Variants in RAP2C observed in about 807,000 individuals in gnomAD.
The protein encoded by RAP2C is ras-related protein Rap-2c.
Under a neutral mutation model 8.9 loss-of-function variants are expected in RAP2C, and 3 were observed. The observed-to-expected ratio is 0.34, with a 90% confidence interval of 0.15 to 0.87. The LOEUF (loss-of-function observed/expected upper bound fraction) is 0.87, where lower values mean the gene tolerates loss of function less well. Among genes scored for constraint, RAP2C ranks in the 40% least tolerant of loss-of-function variants. RAP2C has a pLI of 0.51. For synonymous variants in RAP2C, 60 were observed against 52.1 expected, an observed-to-expected ratio of 1.15 and a Z score of -0.65; for missense variants, 76 against 133.7, an observed-to-expected ratio of 0.57 and a Z score of 2.13.
At chrX:132,209,132 C>T (rs1018703721) in intron 5 of RAP2C, among the ~76,000 whole-genome samples, 2 of 111,912 alleles carry the variant, frequency 1.8e-5, no homozygotes, top group African/African-American at 6.5e-5. Context: ...AGAGCAAAAG[C>T]GGAACCTATG....
chrX:132,208,164 G>C (rs757006720), intron 5 of RAP2C, among the ~76,000 whole-genome samples: 1 of 111,537 alleles, frequency 9.0e-6, no homozygotes, highest in African/African-American at 3.3e-5. Context: ...AAGAAAAAAA[G>C]GGGATTCTTG....
At chrX:132,209,281 A>G (rs2124135396) in intron 5 of RAP2C, among the ~76,000 whole-genome samples, 1 of 111,828 alleles carries the variant, frequency 8.9e-6, no homozygotes, top group African/African-American at 3.3e-5. Context: ...GAATGTTTAA[A>G]TTAATATGAT....
chrX:132,214,323 C>T lies in RAP2C; in HGVS notation c.397G>A (p.Ala133Thr). The change falls in exon 5 of 6, where the codon GCT (alanine) becomes ACT (threonine). Residue 133 changes from alanine (A) to threonine (T), a missense_variant. Coordinates refer to ENST00000370874, the MANE Select transcript of RAP2C (RefSeq NM_001271186.2). ...EREVMSSEGR[A>T]LAQEWGCPFM... ...GGACAGCCCCATTCTTGAGCCAGAG[C>T]TCTGCCTTCTGAAGACATAACCTCT... The T allele has an allele frequency of 8.3e-7, 1 of 1,212,010 alleles. No individual in the cohort carries two copies. Among genetic ancestry groups the T allele is most frequent in the Non-Finnish European group, 1.1e-6 (1 of 895,581 alleles).
chrX:132,203,530 A>C lies in RAP2C; in HGVS notation c.*2092T>G, dbSNP rs1431831476. The C allele has an allele frequency of 2.0e-5, 2 of 102,480 alleles. No homozygotes were observed. Among genetic ancestry groups the C allele is most frequent in the East Asian group, 6.0e-4 (2 of 3,358 alleles). 8.4% of individuals were successfully genotyped at this position (102,480 alleles called of 1,213,427 possible). On this transcript the variant is annotated 3_prime_UTR_variant, in exon 6 of 6. Coordinates refer to ENST00000370874, the MANE Select transcript of RAP2C (RefSeq NM_001271186.2). ...TTGAGAGAGAGAGAGAGAGAGAGAG[A>C]GAGAGAGAGAGAGAGAGAGAGAGAG...
At chrX:132,216,610 G>A (rs1323043704) in intron 4 of RAP2C, among the ~76,000 whole-genome samples, 4 of 110,686 alleles carry the variant, frequency 3.6e-5, no homozygotes, top group African/African-American at 9.9e-5. Context: ...ACAGATAATC[G>A]GCTCCAAATA....
Position 132,218,293 on chromosome X carries a change from G to A in RAP2C, c.-697C>T. ...CCTGCTGAGCGAGCGAGCCGGCCGG[G>A]GACGGTTTCGGGTCGGGACTCCGGC... is the stretch of plus-strand genomic sequence containing the variant. On this transcript the variant is annotated 5_prime_UTR_variant, in exon 2 of 6. Transcript: ENST00000370874. 1 of 112,526 alleles carries A rather than the reference G, an allele frequency of 8.9e-6. No individual in the cohort carries two copies. Among genetic ancestry groups the A allele is most frequent in the South Asian group, 3.6e-4 (1 of 2,744 alleles). The allele number at this position is 112,526 out of a possible 1,213,427, so 9.3% of individuals were successfully genotyped here. A position where few individuals can be genotyped will look rare whatever the true frequency, so the allele number is the denominator to read the frequency against.
intron 5 of RAP2C, among the ~76,000 whole-genome samples, chrX:132,210,650 G>C (rs1432331719): frequency 8.9e-6 from 1 of 111,899 alleles, no homozygotes; most frequent in African/African-American, 3.3e-5. Context: ...CTGTTCCACA[G>C]TACACTGAGA....
rs1468240679 is a variant in RAP2C at position 132,205,313 on chromosome X, A to T, written c.*309T>A. ...GAAACTGATTAAAGAAATCAATTAA[A>T]ATATTAAAAATTAACCCTTGTATAT... On this transcript the variant is annotated 3_prime_UTR_variant, in exon 6 of 6. Transcript: ENST00000370874. 8.9e-6 allele frequency: 1 copy of T among 112,403 alleles called. No individual in the cohort carries two copies. The highest frequency in any genetic ancestry group is 2.8e-4 in the East Asian group (1 of 3,590). 9.3% of individuals were successfully genotyped at this position (112,403 alleles called of 1,213,427 possible). A position where few individuals can be genotyped will look rare whatever the true frequency, so the allele number is the denominator to read the frequency against.
intron 5 of RAP2C, among the ~76,000 whole-genome samples, chrX:132,212,502 A>C (rs943164966): frequency 8.9e-6 from 1 of 112,452 alleles, no homozygotes; most frequent in Admixed American, 9.4e-5. Flanking sequence ...AATTTTATTC[A>C]GTTAACCTCC....
intron 5 of RAP2C, among the ~76,000 whole-genome samples, chrX:132,209,526 G>A (rs767872288): frequency 1.5e-4 from 17 of 112,173 alleles, no homozygotes; most frequent in African/African-American, 5.5e-4. Context: ...CAGGACTTAA[G>A]TTTTTCTTAC....
rs1930212764 is a variant in RAP2C, at chrX:132,204,496, C to T, written c.*1126G>A. Reference sequence around the variant, plus strand: ...GCAAAAATAAAAAATAGCCCAGAGACTTGGCGCTATTCTCCCTCCTGTTAC... The same window carrying T: ...GCAAAAATAAAAAATAGCCCAGAGATTTGGCGCTATTCTCCCTCCTGTTAC... On this transcript the variant is annotated 3_prime_UTR_variant, in exon 6 of 6. Transcript: ENST00000370874. 1 of 112,091 alleles carries T rather than the reference C, an allele frequency of 8.9e-6. No individual in the cohort carries two copies. Among genetic ancestry groups the T allele is most frequent in the Non-Finnish European group, 1.9e-5 (1 of 53,086 alleles). 9.2% of individuals were successfully genotyped at this position (112,091 alleles called of 1,213,427 possible). A position where few individuals can be genotyped will look rare whatever the true frequency, so the allele number is the denominator to read the frequency against.
At chrX:132,216,228 G>A (rs1013992497) in intron 4 of RAP2C, among the ~76,000 whole-genome samples, 2 of 111,762 alleles carry the variant, frequency 1.8e-5, no homozygotes, top group African/African-American at 6.5e-5. Flanking sequence ...ACCACATCCA[G>A]TTTGGCCACC....
At chrX:132,214,899 G>T (rs1930530325) in intron 4 of RAP2C, among the ~76,000 whole-genome samples, 1 of 111,067 alleles carries the variant, frequency 9.0e-6, no homozygotes, top group Admixed American at 9.6e-5. Context: ...GAGTGAAAGT[G>T]TTTTAAGTGG....
Position 132,219,401 on chromosome X carries a change from C to T in RAP2C, c.-777G>A, listed in dbSNP as rs1930793117. On this transcript the variant is annotated 5_prime_UTR_variant, in exon 1 of 6. Transcript: ENST00000370874. ...CAAAGGAGAGTTTAGTTCAATTTCT[C>T]CTTGACCTCAGGCCGGTGCCATCTC... 1.8e-5 allele frequency: 2 copies of T among 112,290 alleles called. No homozygotes were observed. The highest frequency in any genetic ancestry group is 6.5e-5 in the African/African-American group (2 of 30,861). 9.3% of individuals were successfully genotyped at this position (112,290 alleles called of 1,213,427 possible).
chrX:132,217,239 C>T lies in RAP2C; in HGVS notation c.30G>A (p.Gly10=). MREYKVVVL[G]SGGVGKSALT... ...GGGCAGATTTGCCAACCCCTCCACT[C>T]CCTAACACCACTACCTTGTATTCCC... The change falls in exon 4 of 6, where the codon GGG becomes GGA. Residue 10 remains glycine, a synonymous_variant. Transcript: ENST00000370874. 1 of 1,142,781 alleles carries T rather than the reference C, an allele frequency of 8.8e-7. No homozygotes were observed. Among genetic ancestry groups the T allele is most frequent in the Non-Finnish European group, 1.2e-6 (1 of 859,506 alleles). The allele number at this position is 1,142,781 out of a possible 1,213,427, so 94.2% of individuals were successfully genotyped here. A position where few individuals can be genotyped will look rare whatever the true frequency, so the allele number is the denominator to read the frequency against.
At position 132,204,893 on chromosome X, in the gene RAP2C, C is replaced by T. The variant is rs1458747591; in HGVS notation, c.*729G>A. 2 of 108,046 alleles carry T rather than the reference C, an allele frequency of 1.9e-5. No homozygotes were observed. Among genetic ancestry groups the T allele is most frequent in the Non-Finnish European group, 3.8e-5 (2 of 52,185 alleles). 8.9% of individuals were successfully genotyped at this position (108,046 alleles called of 1,213,427 possible). A position where few individuals can be genotyped will look rare whatever the true frequency, so the allele number is the denominator to read the frequency against. The stretch of plus-strand genomic sequence containing the variant: ...AAATGAGATTAACACATGTGAAAAC[C>T]TAATGGAACTGAATGCTTAACTCTT... On this transcript the variant is annotated 3_prime_UTR_variant, in exon 6 of 6. Coordinates refer to ENST00000370874, the MANE Select transcript of RAP2C (RefSeq NM_001271186.2).
Position 132,218,238 on chromosome X carries a change from G to A in RAP2C, c.-642C>T, listed in dbSNP as rs1370836970. 2 of 108,187 alleles carry A rather than the reference G, an allele frequency of 1.8e-5. No individual in the cohort carries two copies. Among genetic ancestry groups the A allele is most frequent in the Non-Finnish European group, 3.9e-5 (2 of 51,875 alleles). 8.9% of individuals were successfully genotyped at this position (108,187 alleles called of 1,213,427 possible). A position where few individuals can be genotyped will look rare whatever the true frequency, so the allele number is the denominator to read the frequency against. ...CCGGTGGGGAAAGTCCCACCTCTTC[G>A]GGGCGAGCCGGGTGGCGCTGGAGCC... On this transcript the variant is annotated 5_prime_UTR_variant, in exon 2 of 6. Coordinates refer to ENST00000370874, the MANE Select transcript of RAP2C (RefSeq NM_001271186.2).
rs1362878655 is a variant in RAP2C, at chrX:132,205,334, T to C, written c.*288A>G. On this transcript the variant is annotated 3_prime_UTR_variant, in exon 6 of 6. Transcript: ENST00000370874. ...TTAAAATATTAAAAATTAACCCTTG[T>C]ATATTAGCCATCAATAAGAACTTAG... 8.9e-6 allele frequency: 1 copy of C among 112,356 alleles called. No homozygotes were observed. Among genetic ancestry groups the C allele is most frequent in the Non-Finnish European group, 1.9e-5 (1 of 53,217 alleles). 9.3% of individuals were successfully genotyped at this position (112,356 alleles called of 1,213,427 possible). A position where few individuals can be genotyped will look rare whatever the true frequency, so the allele number is the denominator to read the frequency against.
chrX:132,204,863 G>A lies in RAP2C; in HGVS notation c.*759C>T, dbSNP rs1354339187. The A allele has an allele frequency of 1.8e-5, 2 of 110,100 alleles. No homozygotes were observed. The allele number at this position is 110,100 out of a possible 1,213,427, so 9.1% of individuals were successfully genotyped here. A position where few individuals can be genotyped will look rare whatever the true frequency, so the allele number is the denominator to read the frequency against. On this transcript the variant is annotated 3_prime_UTR_variant, in exon 6 of 6. Transcript: ENST00000370874. ...GAAAATGTTACTGCCGCAATTCAAT[G>A]CTGTAAATGAGATTAACACATGTGA...
Sources: allele counts gnomAD v4.1 joint callset (sites outside exome capture counted in the v4.1 genomes callset), GRCh38; gene constraint gnomAD v4.1.1; transcripts MANE v1.5; gene names NCBI Gene and HGNC (gene_info 2026-07-23, HGNC 2026-07-21).